The following TEC variants were observed in gnomAD, a reference collection of about 807,000 sequenced individuals.
TEC encodes the protein tec protein tyrosine kinase.
In TEC, 72 loss-of-function variants were observed where a neutral mutation model predicts 93.0. That is an observed-to-expected ratio of 0.77 (90% CI 0.64 to 0.94). TEC has a LOEUF of 0.94. Among genes scored for constraint, TEC ranks in the 40% least tolerant of loss-of-function variants. The pLI is 0.00. For missense variants in TEC, 630 were observed against 757.9 expected, an observed-to-expected ratio of 0.83 and a Z score of 1.98; for synonymous variants, 249 against 247.7, an observed-to-expected ratio of 1.01 and a Z score of -0.05.
At chr4:48,238,720 A>G (rs1042886818) in intron 1 of TEC, among the ~76,000 whole-genome samples, 4 of 141,096 alleles carry the variant, frequency 2.8e-5, no homozygotes. Flanking sequence ...ATATGTATTT[A>G]TATATTTATA....
chr4:48,161,262 C>T (rs1720644127), intron 8 of TEC, among the ~76,000 whole-genome samples: 1 of 152,110 alleles, frequency 6.6e-6, no homozygotes, highest in Admixed American at 6.5e-5. Flanking sequence ...TCTAATTCTG[C>T]CCTTCTAACT....
At chr4:48,210,518 T>C (rs62309352) in intron 2 of TEC, among the ~76,000 whole-genome samples, 1 of 97,480 alleles carries the variant, frequency 1.0e-5, no homozygotes, top group Non-Finnish European at 2.4e-5. Context: ...AGGAGGAGGA[T>C]GATGAGGAGG....
intron 1 of TEC, among the ~76,000 whole-genome samples, chr4:48,258,988 C>T (rs1724417859): frequency 6.6e-6 from 1 of 152,188 alleles, no homozygotes; most frequent in Admixed American, 6.5e-5. Flanking sequence ...ACAGACACTA[C>T]ATTAAATTTA....
rs768747775 is a variant in TEC, at chr4:48,146,419, T to C, written c.1007-20A>G. 4 of 1,608,612 alleles carry C rather than the reference T, an allele frequency of 2.5e-6. No individual in the cohort carries two copies. Among genetic ancestry groups the C allele is most frequent in the Admixed American group, 3.3e-5 (2 of 59,766 alleles). On this transcript the variant is annotated intron_variant, in intron 11 of 17. Transcript: ENST00000381501. ...CAAGTCCTAATAATCAAAGAAAGCG[T>C]TGCAGTCAAACTCATTCATAATCAT...
intron 2 of TEC, among the ~76,000 whole-genome samples, chr4:48,186,512 G>A (rs564241327): frequency 4.2e-5 from 6 of 141,554 alleles, no homozygotes; most frequent in Admixed American, 1.4e-4. Context: ...GGCCGACCCC[G>A]TCTGGGAACT....
chr4:48,138,561 T>C (rs1719523970), intron 17 of TEC, 104 bp downstream of exon 17: 6 of 1,342,476 alleles, frequency 4.5e-6, no homozygotes, highest in Non-Finnish European at 6.1e-6. Context: ...TTGAAATCAC[T>C]ATAAAGATGC....
intron 2 of TEC, among the ~76,000 whole-genome samples, chr4:48,184,999 C>T (rs994634634): frequency 6.6e-6 from 1 of 151,850 alleles, no homozygotes; most frequent in African/African-American, 2.4e-5. Flanking sequence ...CTGCTGTGTC[C>T]TTTTACCATC....
chr4:48,230,872 T>C (rs529161790), intron 1 of TEC, among the ~76,000 whole-genome samples: 1 of 152,356 alleles, frequency 6.6e-6, no homozygotes, highest in South Asian at 2.1e-4. Context: ...CTCCTTGATG[T>C]AGTCTCTCCT....
chr4:48,154,213 C>T (rs1016079472), intron 9 of TEC, among the ~76,000 whole-genome samples: 1 of 152,158 alleles, frequency 6.6e-6, no homozygotes. Context: ...TCTAAGAAAA[C>T]TTTTGGTAAA....
chr4:48,269,518 G>A (rs1480160060), intron 1 of TEC, among the ~76,000 whole-genome samples: 2 of 152,270 alleles, frequency 1.3e-5, no homozygotes, highest in Non-Finnish European at 2.9e-5. Flanking sequence ...TCTACTGCCG[G>A]CAGGAAGGCG....
intron 1 of TEC, among the ~76,000 whole-genome samples, chr4:48,264,118 G>C (rs61010385): frequency 0.11 from 16,198 of 152,202 alleles, 1,011 homozygotes; most frequent in East Asian, 0.24. Context: ...AATGAGTGAA[G>C]AGACAATAGC....
At chr4:48,183,384 C>T (rs1369151171) in intron 2 of TEC, among the ~76,000 whole-genome samples, 2 of 152,166 alleles carry the variant, frequency 1.3e-5, no homozygotes, top group South Asian at 2.1e-4. Context: ...GCTGGTAAAA[C>T]GTTATTTCCA....
intron 8 of TEC, among the ~76,000 whole-genome samples, chr4:48,158,340 A>G (rs1297182704): frequency 1.3e-5 from 2 of 152,246 alleles, no homozygotes; most frequent in East Asian, 3.8e-4. Flanking sequence ...GTGTTGAACC[A>G]GGCCTCAGAA....
At chr4:48,170,544 A>C (rs1324110313) in intron 4 of TEC, among the ~76,000 whole-genome samples, 168 bp from the exon 5 acceptor site, 1 of 152,080 alleles carries the variant, frequency 6.6e-6, no homozygotes, top group Non-Finnish European at 1.5e-5. Context: ...GTTCTCTTTG[A>C]CCTCTTCTTT....
At chr4:48,180,183 A>C (rs7692882) in intron 2 of TEC, among the ~76,000 whole-genome samples, 5,557 of 152,232 alleles carry the variant, frequency 0.037, 342 homozygotes, top group African/African-American at 0.13. Flanking sequence ...GCAATGGCAA[A>C]AGCTGCAATT....
chr4:48,258,273 CTGGCAT>C (rs1331253517), intron 1 of TEC, among the ~76,000 whole-genome samples: 1 of 151,838 alleles, frequency 6.6e-6, no homozygotes, highest in Non-Finnish European at 1.5e-5. Context: ...TCCCGAGTAG[CTGGCAT>C]TACAGGCATG....
Position 48,199,455 on chromosome 4 carries a change from C to CTTTTTTTTTTTTTTTTTT in TEC, c.139-23287_139-23270dup, listed in dbSNP as rs34965891. 2.8e-4 allele frequency among the ~76,000 whole-genome samples: 19 copies of CTTTTTTTTTTTTTTTTTT among 67,360 alleles called. 2 individuals are homozygous for CTTTTTTTTTTTTTTTTTT. The highest frequency in any genetic ancestry group is 7.7e-4 in the Admixed American group (3 of 3,910). 44.2% of individuals were successfully genotyped at this position (67,360 alleles called of 152,430 possible). ...CTGGGCTACAGAAAGGATTTTCTTT[C>CTTTTTTTTTTTTTTTTTT]TTTTTTTTTTTTTTTTTTTTTTTTT... On this transcript the variant is annotated intron_variant, in intron 2 of 17. Coordinates refer to ENST00000381501, the MANE Select transcript of TEC (RefSeq NM_003215.3).
At chr4:48,262,220 G>T (rs1443198801) in intron 1 of TEC, among the ~76,000 whole-genome samples, 2 of 2,780 alleles carry the variant, frequency 7.2e-4, no homozygotes, top group African/African-American at 7.6e-4. Context: ...TTTTTGAGAC[G>T]GAGTCTTGCT....
chr4:48,221,743 G>A (rs1186811113), intron 2 of TEC, among the ~76,000 whole-genome samples: 3 of 152,084 alleles, frequency 2.0e-5, no homozygotes, highest in Non-Finnish European at 4.4e-5. Context: ...GCCCTCCCTA[G>A]AGGTTGGAGG....
Sources: gnomAD v4.1 joint callset for allele counts (sites outside exome capture counted in the v4.1 genomes callset) on GRCh38, gnomAD v4.1.1 for gene constraint, MANE v1.5 for transcripts, NCBI Gene and HGNC (gene_info 2026-07-23, HGNC 2026-07-21) for gene names.